The following PDCD1LG2 variants were observed in gnomAD, a reference collection of about 807,000 sequenced individuals.
PDCD1LG2 encodes the protein B7 dendritic cell molecule.
PDCD1LG2 carries 32 observed loss-of-function variants against 28.2 expected under a neutral mutation model. That is an observed-to-expected ratio of 1.13 (90% CI 0.86 to 1.52). The LOEUF (loss-of-function observed/expected upper bound fraction) is 1.52. Ranked by LOEUF, PDCD1LG2 falls within the 40% of genes most tolerant of loss-of-function variation. The pLI is 0.00. For synonymous variants in PDCD1LG2, 116 were observed against 120.2 expected, an observed-to-expected ratio of 0.97 and a Z score of 0.23; for missense variants, 385 against 323.8, an observed-to-expected ratio of 1.19 and a Z score of -1.45.
intron 2 of PDCD1LG2, among the ~76,000 whole-genome samples, chr9:5,524,646 C>T (rs1182752967): frequency 6.6e-6 from 1 of 151,476 alleles, no homozygotes; most frequent in Non-Finnish European, 1.5e-5. Flanking sequence ...AAGAAAACAA[C>T]AAAAAAACTA....
At chr9:5,524,613 A>T (rs1820336780) in intron 2 of PDCD1LG2, among the ~76,000 whole-genome samples, 1 of 152,014 alleles carries the variant, frequency 6.6e-6, no homozygotes, top group South Asian at 2.1e-4. Context: ...AAGAGTTTTG[A>T]TTTCAGAGGA....
chr9:5,535,825 T>C (rs559051782), intron 3 of PDCD1LG2, among the ~76,000 whole-genome samples: 43 of 152,164 alleles, frequency 2.8e-4, no homozygotes, highest in Admixed American at 2.2e-3. Context: ...TCCAGCACAA[T>C]TGAAAATCTA....
At chr9:5,522,996 C>T (rs1255452992) in intron 2 of PDCD1LG2, among the ~76,000 whole-genome samples, 1 of 152,124 alleles carries the variant, frequency 6.6e-6, no homozygotes, top group Non-Finnish European at 1.5e-5. Context: ...CAGGGAACAC[C>T]GTTACTCTAA....
intron 2 of PDCD1LG2, among the ~76,000 whole-genome samples, chr9:5,526,021 TG>T (rs1820371499): frequency 7.5e-6 from 1 of 134,052 alleles, no homozygotes; most frequent in African/African-American, 2.9e-5. Context: ...CACTCTAGCC[TG>T]GGCGACAGAG....
At chr9:5,567,778 G>A (rs887583834) in intron 6 of PDCD1LG2, among the ~76,000 whole-genome samples, 1 of 152,120 alleles carries the variant, frequency 6.6e-6, no homozygotes, top group African/African-American at 2.4e-5. Context: ...TAGGCCATGT[G>A]GGAACTAGAA....
intron 3 of PDCD1LG2, 114 bp from the exon 4 acceptor site, chr9:5,549,221 A>G (rs185843819): frequency 1.0e-4 from 105 of 1,000,356 alleles, no homozygotes; most frequent in South Asian, 1.6e-5. Context: ...AATGATAACC[A>G]TTATTACTTA....
chr9:5,542,928 C>G (rs1473463076), intron 3 of PDCD1LG2, among the ~76,000 whole-genome samples: 1 of 152,008 alleles, frequency 6.6e-6, no homozygotes, highest in Non-Finnish European at 1.5e-5. Context: ...ATGGAACCAG[C>G]CCAAATGCCC....
At chr9:5,532,331 C>A (rs927606764) in intron 2 of PDCD1LG2, among the ~76,000 whole-genome samples, 1 of 152,124 alleles carries the variant, frequency 6.6e-6, no homozygotes, top group East Asian at 1.9e-4. Context: ...TAGAGGCAAG[C>A]CAAAAATGTC....
At chr9:5,565,854 A>G (rs1439965654) in intron 6 of PDCD1LG2, among the ~76,000 whole-genome samples, 2 of 151,882 alleles carry the variant, frequency 1.3e-5, no homozygotes, top group African/African-American at 4.9e-5. Flanking sequence ...CTCAAAAAAG[A>G]ATAACGTACA....
intron 3 of PDCD1LG2, among the ~76,000 whole-genome samples, chr9:5,546,070 C>CA (rs1035305171): frequency 6.0e-4 from 91 of 152,276 alleles, no homozygotes; most frequent in African/African-American, 2.1e-3. Flanking sequence ...TCTGATACTG[C>CA]AAAAATGTAG....
At chr9:5,516,661 G>C (rs1820170731) in intron 1 of PDCD1LG2, among the ~76,000 whole-genome samples, 1 of 152,238 alleles carries the variant, frequency 6.6e-6, no homozygotes, top group South Asian at 2.1e-4. Context: ...CCCCTGCTCA[G>C]CCTCCCTCTG....
chr9:5,515,455 T>G (rs1820138686), intron 1 of PDCD1LG2, among the ~76,000 whole-genome samples: 1 of 152,168 alleles, frequency 6.6e-6, no homozygotes, highest in Non-Finnish European at 1.5e-5. Context: ...ATGAGGTATG[T>G]GGACAACTGG....
chr9:5,539,757 A>G (rs1487517332), intron 3 of PDCD1LG2, among the ~76,000 whole-genome samples: 1 of 152,156 alleles, frequency 6.6e-6, no homozygotes, highest in Admixed American at 6.5e-5. Flanking sequence ...AAACAAGAAC[A>G]CCAAGAGCCA....
intron 2 of PDCD1LG2, among the ~76,000 whole-genome samples, chr9:5,525,133 A>C (rs1189654223): frequency 6.6e-6 from 1 of 152,186 alleles, no homozygotes; most frequent in African/African-American, 2.4e-5. Context: ...GGATCACCTC[A>C]GGTCAGGAGT....
chr9:5,538,542 G>T (rs1186805490), intron 3 of PDCD1LG2, among the ~76,000 whole-genome samples: 5 of 152,066 alleles, frequency 3.3e-5, no homozygotes, highest in Admixed American at 6.6e-5. Context: ...ACAAAAATTA[G>T]CCGGGCGCGG....
At position 5,544,433 on chromosome 9, in the gene PDCD1LG2, T is replaced by A. The variant is rs186227869; in HGVS notation, c.362-4902T>A. ...TCTTCTGCTGGAGAGGCCACAAAAGTATAGAGCATAGGGGAGAAATACCTT... is the reference window on the plus strand; with the variant it reads ...TCTTCTGCTGGAGAGGCCACAAAAGAATAGAGCATAGGGGAGAAATACCTT... On this transcript the variant is annotated intron_variant, in intron 3 of 6. Coordinates refer to ENST00000397747, the MANE Select transcript of PDCD1LG2 (RefSeq NM_025239.4). Among the ~76,000 whole-genome samples, 16 of 152,182 alleles carry A rather than the reference T, an allele frequency of 1.1e-4. No individual in the cohort carries two copies. The East Asian group carries it at 3.1e-3, about 29-fold the overall frequency.
intron 2 of PDCD1LG2, among the ~76,000 whole-genome samples, chr9:5,531,301 G>T (rs1341391597): frequency 6.6e-6 from 1 of 152,112 alleles, no homozygotes; most frequent in East Asian, 1.9e-4. Flanking sequence ...AATGTTTCAG[G>T]ATTTCAAAAA....
chr9:5,566,769 G>T (rs1816675093), intron 6 of PDCD1LG2, among the ~76,000 whole-genome samples: 1 of 152,066 alleles, frequency 6.6e-6, no homozygotes, highest in Non-Finnish European at 1.5e-5. Flanking sequence ...ACCCTACGTT[G>T]CCATTTAAAC....
chr9:5,541,379 A>C (rs563200910), intron 3 of PDCD1LG2, among the ~76,000 whole-genome samples: 1 of 152,286 alleles, frequency 6.6e-6, no homozygotes, highest in South Asian at 2.1e-4. Flanking sequence ...AGAAAGAAAT[A>C]AAGGGCATCC....
Sources: gnomAD v4.1 joint callset for allele counts (sites outside exome capture counted in the v4.1 genomes callset) on GRCh38, gnomAD v4.1.1 for gene constraint, MANE v1.5 for transcripts, NCBI Gene and HGNC (gene_info 2026-07-23, HGNC 2026-07-21) for gene names.